PRIM2: variants seen among roughly 807,000 people sequenced by gnomAD.
PRIM2 encodes DNA primase large subunit.
In PRIM2, 39 loss-of-function variants were observed where a neutral mutation model predicts 67.3. That is an observed-to-expected ratio of 0.58 (90% CI 0.45 to 0.76). PRIM2 has a LOEUF of 0.76. Among genes scored for constraint, PRIM2 ranks in the 30% least tolerant of loss-of-function variants. PRIM2 has a pLI of 0.00. For missense variants in PRIM2, 398 were observed against 598.7 expected (o/e 0.66, Z 3.50); for synonymous variants, 143 against 198.7 (o/e 0.72, Z 2.36).
intron 7 of PRIM2, among the ~76,000 whole-genome samples, chr6:57,490,184 G>A (rs1162053740): frequency 5.3e-5 from 8 of 152,050 alleles, no homozygotes; most frequent in Non-Finnish European, 5.9e-5. Context: ...GCTGCTTTCT[G>A]GGACTTTAAA....
chr6:57,282,437 C>T, the PRIM2 span, among the ~76,000 whole-genome samples: 8,755 of 152,162 alleles, frequency 0.058, 268 homozygotes, highest in Non-Finnish European at 0.072. Flanking sequence ...ACCCAGTAAC[C>T]TACTTTCATT....
At chr6:57,458,847 G>C (rs2397310) in intron 7 of PRIM2, among the ~76,000 whole-genome samples, 1 of 152,136 alleles carries the variant, frequency 6.6e-6, no homozygotes, top group Non-Finnish European at 1.5e-5. Flanking sequence ...TGTATGGGAG[G>C]AATTATGTAT....
At chr6:57,521,744 G>A (rs1227407130) in intron 8 of PRIM2, among the ~76,000 whole-genome samples, 4 of 152,094 alleles carry the variant, frequency 2.6e-5, no homozygotes, top group Admixed American at 2.0e-4. Context: ...GGAGTAAATG[G>A]TGTTAACCTC....
chr6:57,307,053 G>C, the PRIM2 span, among the ~76,000 whole-genome samples: 2 of 151,626 alleles, frequency 1.3e-5, no homozygotes, highest in East Asian at 2.0e-4. Context: ...ACAAAAATTA[G>C]CTTGGCGTGG....
At chr6:57,400,684 GA>G (rs1336800174) in intron 7 of PRIM2, among the ~76,000 whole-genome samples, 15 of 152,160 alleles carry the variant, frequency 9.9e-5, no homozygotes, top group South Asian at 6.2e-4. Flanking sequence ...ATGATATTCT[GA>G]AATATGTTTT....
chr6:57,416,675 T>C (rs1290605041), intron 7 of PRIM2, among the ~76,000 whole-genome samples: 3 of 152,190 alleles, frequency 2.0e-5, no homozygotes, highest in East Asian at 1.9e-4. Context: ...TTTTTCATGA[T>C]CTTAGCTAGA....
In PRIM2 at chr6:57,512,240, A is replaced by T. The variant is rs1162547011; in HGVS notation, c.761+4786A>T. On this transcript the variant is annotated intron_variant, in intron 8 of 13. Transcript: ENST00000615550. ...AGTAGGCTACTCTTGGTAGAGCTTA[A>T]TTCTGAGGACATGTAAGGAAAAAGG... Among the ~76,000 whole-genome samples, 14 of 152,350 alleles carry T rather than the reference A, an allele frequency of 9.2e-5. No individual in the cohort carries two copies. The East Asian group carries it at 2.7e-3, about 29-fold the overall frequency.
the PRIM2 span, among the ~76,000 whole-genome samples, chr6:57,267,729 C>T: frequency 8.0e-4 from 121 of 150,976 alleles, no homozygotes; most frequent in African/African-American, 2.7e-3. Context: ...GGCAACATTG[C>T]GACACCCCAT....
chr6:57,369,225 C>A (rs1315194520), intron 5 of PRIM2, among the ~76,000 whole-genome samples: 1 of 152,176 alleles, frequency 6.6e-6, no homozygotes, highest in African/African-American at 2.4e-5. Flanking sequence ...GCTCCTTAAT[C>A]TGCTTTCAGG....
chr6:57,231,706 A>G, the PRIM2 span, among the ~76,000 whole-genome samples: 722 of 152,354 alleles, frequency 4.7e-3, 23 homozygotes, highest in Admixed American at 0.042. Flanking sequence ...ATTTTGTTGG[A>G]ACGTAAATGG....
chr6:57,551,759 G>T (rs1775407787), intron 10 of PRIM2, among the ~76,000 whole-genome samples: 1 of 152,182 alleles, frequency 6.6e-6, no homozygotes, highest in Non-Finnish European at 1.5e-5. Context: ...ATTACTTGGT[G>T]ATTACTGCTA....
At chr6:57,339,714 A>G (rs1440857978) in intron 5 of PRIM2, among the ~76,000 whole-genome samples, 2 of 152,250 alleles carry the variant, frequency 1.3e-5, no homozygotes, top group African/African-American at 2.4e-5. Context: ...TTCAAGATAG[A>G]TTAAAGACTT....
chr6:57,514,853 G>C (rs1380167137), intron 8 of PRIM2, among the ~76,000 whole-genome samples: 1 of 152,026 alleles, frequency 6.6e-6, no homozygotes, highest in African/African-American at 2.4e-5. Context: ...TTTATAAACA[G>C]TACCCCCCTC....
chr6:57,515,496 G>A lies in PRIM2; in HGVS notation c.761+8042G>A, dbSNP rs1475131921. On this transcript the variant is annotated intron_variant, in intron 8 of 13. Transcript: ENST00000615550. ...AATGCCATCTTGCCCAAGTGAGAAA[G>A]TGGCAGATTTCTTAACAAGTGAACG... Among the ~76,000 whole-genome samples the A allele has an allele frequency of 1.3e-3, 196 of 152,322 alleles. 5 individuals are homozygous for A. The East Asian group carries it at 0.016, about 12-fold the overall frequency.
chr6:57,604,450 T>G lies in PRIM2; in HGVS notation c.1148-1925T>G, dbSNP rs1776525200. On this transcript the variant is annotated intron_variant, in intron 11 of 13. Coordinates refer to ENST00000615550, the MANE Select transcript of PRIM2 (RefSeq NM_000947.5). ...TGACTTCTTTTCCTATTTGGATGGC[T>G]TTTATTTCTTTCTTTTGCCTGATTG... Among the ~76,000 whole-genome samples the G allele has an allele frequency of 2.6e-5, 4 of 152,120 alleles. No individual in the cohort carries two copies. The South Asian group carries it at 8.3e-4, about 32-fold the overall frequency.
chr6:57,390,206 A>T (rs1270558386), intron 7 of PRIM2: 1 of 154,746 alleles, frequency 6.5e-6, no homozygotes, highest in Non-Finnish European at 1.5e-5. Flanking sequence ...TTTTGCGCCA[A>T]CCTAATAACA....
rs1156576933 is a variant in PRIM2, at chr6:57,642,435, C to CTTTTTTTTTTTTTTT, written c.1300-3482_1300-3468dup. 6.1e-4 allele frequency among the ~76,000 whole-genome samples: 51 copies of CTTTTTTTTTTTTTTT among 83,176 alleles called. 3 individuals are homozygous for CTTTTTTTTTTTTTTT. Among genetic ancestry groups the CTTTTTTTTTTTTTTT allele is most frequent in the Non-Finnish European group, 7.2e-4 (34 of 47,408 alleles). 54.6% of individuals were successfully genotyped at this position (83,176 alleles called of 152,430 possible). ...TATGCACATACCTTAAATATTATAT[C>CTTTTTTTTTTTTTTT]TTTTTTTTTTTTTTTTTTTTTTTTT... On this transcript the variant is annotated intron_variant, in intron 13 of 13. Transcript: ENST00000615550.
the PRIM2 span, among the ~76,000 whole-genome samples, chr6:57,300,941 A>T: frequency 6.6e-6 from 1 of 152,210 alleles, no homozygotes; most frequent in Non-Finnish European, 1.5e-5. Flanking sequence ...TTTTGGAGAA[A>T]TAGGTAACTG....
At chr6:57,558,048 C>G (rs1775550966) in intron 10 of PRIM2, among the ~76,000 whole-genome samples, 1 of 152,022 alleles carries the variant, frequency 6.6e-6, no homozygotes. Context: ...AGAATGTAGA[C>G]TTTGGAATCA....
Sources: allele counts gnomAD v4.1 joint callset (sites outside exome capture counted in the v4.1 genomes callset), GRCh38; gene constraint gnomAD v4.1.1; transcripts MANE v1.5; gene names NCBI Gene and HGNC (gene_info 2026-07-23, HGNC 2026-07-21).